The following PALLD variants were observed in gnomAD, a reference collection of about 807,000 sequenced individuals.
PALLD encodes palladin, cytoskeletal associated protein, also known as palladin.
Under a neutral mutation model 123.5 loss-of-function variants are expected in PALLD, and 61 were observed. The ratio of observed to expected loss-of-function variants is 0.49; its 90% CI spans 0.40 to 0.61. PALLD has a LOEUF of 0.61. PALLD is among the 20% of genes least tolerant of loss of function. The probability of loss-of-function intolerance (pLI) is 0.00; values close to 1 mark genes in which losing one functional copy is unlikely to be tolerated. For missense variants in PALLD, 1,273 were observed against 1,377.0 expected (o/e 0.92, Z 1.20); for synonymous variants, 465 against 496.4 (o/e 0.94, Z 0.84).
At chr4:168,542,129 T>G (rs1765676292) in intron 2 of PALLD, among the ~76,000 whole-genome samples, 1 of 152,190 alleles carries the variant, frequency 6.6e-6, no homozygotes, top group Non-Finnish European at 1.5e-5. Flanking sequence ...TATCCACGTT[T>G]TGCAAGTGAG....
intron 10 of PALLD, among the ~76,000 whole-genome samples, chr4:168,786,474 G>T (rs1027916810): frequency 1.3e-5 from 2 of 152,224 alleles, no homozygotes; most frequent in Non-Finnish European, 2.9e-5. Flanking sequence ...AGGAGTTTGA[G>T]ACCAGCCTGG....
At position 168,585,615 on chromosome 4, in the gene PALLD, G is replaced by A. The variant is rs536205017; in HGVS notation, c.908+73203G>A. 2.2e-3 allele frequency among the ~76,000 whole-genome samples: 330 copies of A among 152,270 alleles called. 1 individual carries two copies. The highest frequency in any genetic ancestry group is 5.0e-3 in the South Asian group (24 of 4,826). ...GCCTGGGATCCAGTCCCCAGCGCAG[G>A]CACTGAGTGTGCCCCTGGCCCCATC... On this transcript the variant is annotated intron_variant, in intron 2 of 21. Coordinates refer to ENST00000505667, the MANE Select transcript of PALLD (RefSeq NM_001166108.2).
chr4:168,670,771 A>C (rs111466096), intron 3 of PALLD, among the ~76,000 whole-genome samples: 4 of 58,516 alleles, frequency 6.8e-5, no homozygotes, highest in East Asian at 3.0e-4. Context: ...AAAACAAAAA[A>C]AAACAAAAAA....
intron 1 of PALLD, among the ~76,000 whole-genome samples, chr4:168,502,009 A>G (rs1761458217): frequency 6.6e-6 from 1 of 152,154 alleles, no homozygotes; most frequent in Non-Finnish European, 1.5e-5. Flanking sequence ...TGTTTTCTCA[A>G]TTTACTACCT....
Position 168,843,929 on chromosome 4 carries a change from G to A in PALLD, c.1965-46993G>A, listed in dbSNP as rs1249378031. 3 of 152,146 alleles carry A rather than the reference G, an allele frequency of 2.0e-5. No homozygotes were observed. The East Asian group carries it at 5.8e-4, about 29-fold the overall frequency. The allele number at this position is 152,146 out of a possible 1,614,324, so 9.4% of individuals were successfully genotyped here. A position where few individuals can be genotyped will look rare whatever the true frequency, so the allele number is the denominator to read the frequency against. ...GCCTGGGCACCTCTCTTATTCATGG[G>A]TGCCTCAGGAGTAATTACAGCTTTA... is the stretch of plus-strand genomic sequence containing the variant. On this transcript the variant is annotated intron_variant, in intron 10 of 21. Transcript: ENST00000505667.
intron 10 of PALLD, among the ~76,000 whole-genome samples, chr4:168,793,724 G>C (rs908019779): frequency 5.3e-5 from 8 of 152,284 alleles, no homozygotes; most frequent in Non-Finnish European, 8.8e-5. Context: ...CACAGGAAGA[G>C]CACAGCCCAT....
chr4:168,625,324 A>C (rs186188144), intron 2 of PALLD, among the ~76,000 whole-genome samples: 2 of 152,014 alleles, frequency 1.3e-5, no homozygotes, highest in African/African-American at 2.4e-5. Flanking sequence ...GATTATTATC[A>C]TGAAGTGGTG....
intron 8 of PALLD, among the ~76,000 whole-genome samples, chr4:168,704,635 A>G (rs1428319670): frequency 6.9e-6 from 1 of 145,586 alleles, no homozygotes; most frequent in Non-Finnish European, 1.5e-5. Flanking sequence ...CTGCACCTCC[A>G]GCCTGGGCGA....
chr4:168,590,337 C>T (rs933724309), intron 2 of PALLD, among the ~76,000 whole-genome samples: 5 of 152,160 alleles, frequency 3.3e-5, no homozygotes, highest in Admixed American at 2.0e-4. Context: ...AGCAAAACTC[C>T]GTCTCAAAAA....
chr4:168,710,351 C>A (rs922927326), intron 9 of PALLD, among the ~76,000 whole-genome samples: 12 of 151,858 alleles, frequency 7.9e-5, no homozygotes, highest in African/African-American at 2.7e-4. Context: ...ACTTTAATTG[C>A]CTCATCTCTG....
intron 2 of PALLD, among the ~76,000 whole-genome samples, chr4:168,667,465 A>G (rs1319052915): frequency 6.6e-6 from 1 of 152,192 alleles, no homozygotes; most frequent in East Asian, 1.9e-4. Flanking sequence ...ACCAAATGCT[A>G]CTGAGAATTT....
At chr4:168,686,960 CAA>C (rs1782122689) in intron 6 of PALLD, among the ~76,000 whole-genome samples, 1 of 152,150 alleles carries the variant, frequency 6.6e-6, no homozygotes, top group Non-Finnish European at 1.5e-5. Context: ...GTAGAGCCCA[CAA>C]AGTTTCTGAA....
At chr4:168,652,396 G>A (rs115939884) in intron 2 of PALLD, among the ~76,000 whole-genome samples, 1,667 of 152,064 alleles carry the variant, frequency 0.011, 28 homozygotes, top group African/African-American at 0.038. Flanking sequence ...CTCTCAAATG[G>A]GCCTTTGAAA....
At chr4:168,498,572 G>A (rs1761001885) in intron 1 of PALLD, among the ~76,000 whole-genome samples, 1 of 152,196 alleles carries the variant, frequency 6.6e-6, no homozygotes, top group African/African-American at 2.4e-5. Context: ...AACAATATGT[G>A]TGTGGAGGCT....
chr4:168,920,764 A>G (rs561263550), intron 17 of PALLD, among the ~76,000 whole-genome samples: 5 of 152,206 alleles, frequency 3.3e-5, no homozygotes, highest in Non-Finnish European at 4.4e-5. Context: ...AGTTTCAAGG[A>G]TTATAAAATA....
At chr4:168,792,337 A>G (rs549257072) in intron 10 of PALLD, among the ~76,000 whole-genome samples, 1 of 151,804 alleles carries the variant, frequency 6.6e-6, no homozygotes, top group Admixed American at 6.6e-5. Flanking sequence ...AAAAAAAAAT[A>G]GGAGAGTAAT....
intron 2 of PALLD, among the ~76,000 whole-genome samples, chr4:168,590,629 G>C (rs977810237): frequency 1.3e-5 from 2 of 152,122 alleles, no homozygotes; most frequent in Admixed American, 1.3e-4. Context: ...TTTCCAGTTG[G>C]AGTAAGAAAC....
intron 2 of PALLD, among the ~76,000 whole-genome samples, chr4:168,624,233 C>T (rs1400242473): frequency 1.3e-5 from 2 of 151,874 alleles, no homozygotes; most frequent in Non-Finnish European, 2.9e-5. Flanking sequence ...AAAGTAATTA[C>T]CATGACGAAA....
chr4:168,586,338 T>C (rs559153924), intron 2 of PALLD, among the ~76,000 whole-genome samples: 1 of 152,164 alleles, frequency 6.6e-6, no homozygotes, highest in South Asian at 2.1e-4. Context: ...CTTAAGAATA[T>C]AGAGAACGTT....
Sources: allele counts gnomAD v4.1 joint callset (sites outside exome capture counted in the v4.1 genomes callset), GRCh38; gene constraint gnomAD v4.1.1; transcripts MANE v1.5; gene names NCBI Gene and HGNC (gene_info 2026-07-23, HGNC 2026-07-21).